SEMA5B: variants seen among roughly 807,000 people sequenced by gnomAD.
SEMA5B encodes semaphorin-5B.
SEMA5B carries 66 observed loss-of-function variants against 135.0 expected under a neutral mutation model. That is an observed-to-expected ratio of 0.49 (90% confidence interval 0.40 to 0.60). SEMA5B has a LOEUF of 0.60. Ranked by LOEUF, SEMA5B falls within the 20% of genes least tolerant of loss-of-function variation. The probability of loss-of-function intolerance (pLI) is 0.00; values close to 1 mark genes in which losing one functional copy is unlikely to be tolerated. For missense variants in SEMA5B, 1,501 were observed against 1,566.3 expected (o/e 0.96, Z 0.70); for synonymous variants, 690 against 639.5 (o/e 1.08, Z -1.19).
At chr3:122,928,973 C>T (rs1464434417) in intron 6 of SEMA5B, 23 bp downstream of exon 6, 3 of 1,610,752 alleles carry the variant, frequency 1.9e-6, no homozygotes, top group African/African-American at 1.3e-5. Flanking sequence ...AGGTGGGGCC[C>T]CTGGACCGCC....
Position 122,915,561 on chromosome 3 carries a change from G to A in SEMA5B, c.1867C>T (p.His623Tyr), listed in dbSNP as rs1460163236. 1 of 1,614,100 alleles carries A rather than the reference G, an allele frequency of 6.2e-7. No individual in the cohort carries two copies. ...GPWSPWQPCE[H>Y]LDGDNSGSCL... ...GAGCCTGAGTTGTCCCCATCCAAGT[G>A]CTCACATGGTTGCCATGGTGACCAT... The change falls in exon 14 of 23, where the codon CAC becomes TAC. Residue 623 changes from histidine (H) to tyrosine (Y), a missense_variant. Physicochemically the swap from His to Tyr is moderately conservative, Grantham distance 83. Around this residue, in one of 2 missense-constraint regions of SEMA5B, gnomAD observed 927 missense variants for 881.6 expected, o/e 1.05. Transcript: ENST00000357599.
chr3:122,997,526 C>T (rs936541355), intron 1 of SEMA5B, among the ~76,000 whole-genome samples: 29 of 151,870 alleles, frequency 1.9e-4, no homozygotes, highest in Non-Finnish European at 3.5e-4. Context: ...TCTCCCCCCC[C>T]CGTCTCCACC....
At chr3:122,943,188 C>G (rs1427375484) in intron 4 of SEMA5B, among the ~76,000 whole-genome samples, 1 of 152,158 alleles carries the variant, frequency 6.6e-6, no homozygotes, top group Non-Finnish European at 1.5e-5. Context: ...CGTCCCTGCT[C>G]TCACTAACTG....
intron 1 of SEMA5B, among the ~76,000 whole-genome samples, chr3:123,007,402 G>T (rs1326957159): frequency 6.6e-6 from 1 of 152,160 alleles, no homozygotes; most frequent in African/African-American, 2.4e-5. Context: ...GATCTGCTAA[G>T]CACTTCTCAA....
rs1368211589 is a variant in SEMA5B at position 122,913,602 on chromosome 3, A to C, written c.2212T>G (p.Cys738Gly). ...CGCCGCGACTGCATGCCCCCTCCAC[A>C]GTTGCTGCTGCACTTGCTCCAGGAG... ...WGSWSKCSSN[C>G]GGGMQSRRRA... Residue 738 changes from cysteine (C) to glycine (G), a missense_variant, in exon 16 of 23, where the codon TGT becomes GGT. This residue lies in a region of SEMA5B where 927 missense variants were observed against 881.6 expected (regional missense o/e 1.05). Transcript: ENST00000357599. The C allele has an allele frequency of 6.2e-7, 1 of 1,613,236 alleles. No individual in the cohort carries two copies. The highest frequency in any genetic ancestry group is 1.3e-5 in the African/African-American group (1 of 74,888).
At position 122,961,158 on chromosome 3, in the gene SEMA5B, G is replaced by A; in HGVS notation, c.106C>T (p.Leu36Phe). 1 of 1,612,828 alleles carries A rather than the reference G, an allele frequency of 6.2e-7. No individual in the cohort carries two copies. The highest frequency in any genetic ancestry group is 8.5e-7 in the Non-Finnish European group (1 of 1,179,244). Residue 36 changes from leucine (L) to phenylalanine (F), a missense_variant, in exon 2 of 23, where the codon CTT becomes TTT. Transcript: ENST00000357599. ...CACTTACCCCTGACCAGTGAGAGAA[G>A]CCAGCCCCCTACTGTCCATCCACAC... ...LRCGWTVGGW[L>F]LSLVRGLLPC...
intron 1 of SEMA5B, among the ~76,000 whole-genome samples, chr3:123,020,778 T>C (rs1942656846): frequency 6.6e-6 from 1 of 152,200 alleles, no homozygotes; most frequent in South Asian, 2.1e-4. Flanking sequence ...TTTAAAGCTC[T>C]GCAGGTGGTT....
chr3:122,943,989 C>T (rs753779097), intron 3 of SEMA5B, among the ~76,000 whole-genome samples: 4 of 152,132 alleles, frequency 2.6e-5, no homozygotes, highest in South Asian at 2.1e-4. Context: ...GCCTGCCCCT[C>T]GAGTCCTTTT....
chr3:122,944,315 A>G (rs1370687013), intron 3 of SEMA5B, among the ~76,000 whole-genome samples: 2 of 152,198 alleles, frequency 1.3e-5, no homozygotes, highest in Non-Finnish European at 2.9e-5. Flanking sequence ...CCTTGATGGA[A>G]CAATTCCTGT....
rs1186400979 is a variant in SEMA5B at position 122,910,112 on chromosome 3, G to A, written c.*31C>T. Reference sequence around the variant, plus strand: ...TCCATCTGCTCTGTGCCTTATGAAGGCAAGAAGCCCAAGTCCCCAGGACGG... The same window carrying A: ...TCCATCTGCTCTGTGCCTTATGAAGACAAGAAGCCCAAGTCCCCAGGACGG... On this transcript the variant is annotated 3_prime_UTR_variant, in exon 23 of 23. Transcript: ENST00000357599. The A allele has an allele frequency of 1.2e-6, 2 of 1,607,690 alleles. No individual in the cohort carries two copies. Among genetic ancestry groups the A allele is most frequent in the African/African-American group, 1.3e-5 (1 of 74,858 alleles).
At chr3:122,989,979 C>T (rs1177055261) in intron 1 of SEMA5B, among the ~76,000 whole-genome samples, 1 of 152,154 alleles carries the variant, frequency 6.6e-6, no homozygotes, top group Non-Finnish European at 1.5e-5. Context: ...ACTGTCCAGC[C>T]ACCTCCCTGT....
chr3:122,955,068 C>A lies in SEMA5B; in HGVS notation c.124+6072G>T, dbSNP rs79558834. ...CCTATCACCTCAACCTCCCAAAATG[C>A]TGGGATTGCAGGTGTTGAGCCTACC... is the stretch of plus-strand genomic sequence containing the variant. On this transcript the variant is annotated intron_variant, in intron 2 of 22. Transcript: ENST00000357599. Among the ~76,000 whole-genome samples, 16 of 151,758 alleles carry A rather than the reference C, an allele frequency of 1.1e-4. 1 individual carries two copies. In the East Asian group the frequency reaches 3.1e-3, roughly 29 times the overall value.
At chr3:123,001,997 C>T (rs1039809389) in intron 1 of SEMA5B, among the ~76,000 whole-genome samples, 1 of 152,166 alleles carries the variant, frequency 6.6e-6, no homozygotes, top group Admixed American at 6.5e-5. Context: ...ACAACCATTT[C>T]CATAGGTGTT....
intron 2 of SEMA5B, among the ~76,000 whole-genome samples, chr3:122,957,824 A>G (rs9857254): frequency 0.41 from 62,159 of 152,018 alleles, 13,107 homozygotes; most frequent in Middle Eastern, 0.51. Flanking sequence ...TGCTACACTC[A>G]CCATCCTCCC....
At chr3:122,923,555 T>C (rs1938478042) in intron 10 of SEMA5B, 62 bp downstream of exon 10, 1 of 1,593,040 alleles carries the variant, frequency 6.3e-7, no homozygotes, top group Non-Finnish European at 8.6e-7. Flanking sequence ...AATCAGCTTG[T>C]GGCTGGTAAT....
In SEMA5B at chr3:122,910,188, G is replaced by C; in HGVS notation, c.3411C>G (p.Phe1137Leu). Residue 1137 changes from phenylalanine (F) to leucine (L), a missense_variant, in exon 23 of 23, where the codon TTC becomes TTG. Coordinates refer to ENST00000357599, the MANE Select transcript of SEMA5B (RefSeq NM_001031702.4). Reference sequence around the variant, plus strand: ...GTTGTCCAGGTGAGGCCTCGGGCCGGAAGCTGTGTTTGTTCAGGGGGCTTG... The same window carrying C: ...GTTGTCCAGGTGAGGCCTCGGGCCGCAAGCTGTGTTTGTTCAGGGGGCTTG... Reference protein sequence around the residue: ...YYPSPLNKHSFRPEASPGQRC... With the variant: ...YYPSPLNKHSLRPEASPGQRC... The C allele has an allele frequency of 6.2e-7, 1 of 1,614,268 alleles. No individual in the cohort carries two copies. Among genetic ancestry groups the C allele is most frequent in the Non-Finnish European group, 8.5e-7 (1 of 1,180,046 alleles).
chr3:123,007,758 A>G (rs753342321), intron 1 of SEMA5B, among the ~76,000 whole-genome samples: 2 of 152,232 alleles, frequency 1.3e-5, no homozygotes, highest in Non-Finnish European at 2.9e-5. Flanking sequence ...GACCTTGGAC[A>G]TCTTAGCCTC....
At chr3:122,984,468 C>A (rs1941633361) in intron 1 of SEMA5B, among the ~76,000 whole-genome samples, 2 of 152,198 alleles carry the variant, frequency 1.3e-5, no homozygotes, top group Admixed American at 1.3e-4. Flanking sequence ...TGCCTCTTCA[C>A]GTCCGTCTGT....
At chr3:122,982,705 G>T (rs931605084) in intron 1 of SEMA5B, among the ~76,000 whole-genome samples, 1 of 151,644 alleles carries the variant, frequency 6.6e-6, no homozygotes, top group Non-Finnish European at 1.5e-5. Context: ...CCACCCCCCA[G>T]GTCTGCTGCC....
Sources: allele counts gnomAD v4.1 joint callset (sites outside exome capture counted in the v4.1 genomes callset), GRCh38; gene constraint gnomAD v4.1.1; regional missense constraint gnomAD v4.1.1; transcripts MANE v1.5; gene names NCBI Gene and HGNC (gene_info 2026-07-23, HGNC 2026-07-21).